Variants in NFIB observed in about 807,000 individuals in gnomAD.
NFIB encodes nuclear factor I B, also known as nuclear factor 1 B-type.
A neutral mutation model predicts 61.5 loss-of-function variants in NFIB; 11 were observed. The observed-to-expected ratio is 0.18, with a 90% CI of 0.11 to 0.30. NFIB has a LOEUF of 0.30. Among genes scored for constraint, NFIB ranks in the 10% least tolerant of loss-of-function variants. NFIB has a pLI of 1.00. For missense variants in NFIB, 471 were observed against 608.9 expected (o/e 0.77, Z 2.38); for synonymous variants, 260 against 216.5 (o/e 1.20, Z -1.76).
the NFIB span, among the ~76,000 whole-genome samples, chr9:14,481,838 C>T: frequency 3.3e-5 from 5 of 152,040 alleles, no homozygotes; most frequent in South Asian, 2.1e-4. Context: ...GCTTTTTGGT[C>T]CCCAACACCA....
chr9:14,218,795 T>G (rs935110992), intron 2 of NFIB, among the ~76,000 whole-genome samples: 4 of 152,226 alleles, frequency 2.6e-5, no homozygotes, highest in African/African-American at 9.6e-5. Flanking sequence ...AGATTTCTAT[T>G]AACTTTTAGC....
At chr9:14,211,706 G>A (rs540105268) in intron 2 of NFIB, among the ~76,000 whole-genome samples, 32 of 152,344 alleles carry the variant, frequency 2.1e-4, no homozygotes, top group Admixed American at 7.2e-4. Context: ...CTGCGGGGCC[G>A]TCTGAGCTGT....
the NFIB span, among the ~76,000 whole-genome samples, chr9:14,487,721 A>G: frequency 6.6e-6 from 1 of 152,240 alleles, no homozygotes. Context: ...TCCCACAGCT[A>G]ACGCAGCAGC....
At chr9:14,108,531 C>G (rs1436143357) in intron 10 of NFIB, among the ~76,000 whole-genome samples, 1 of 151,968 alleles carries the variant, frequency 6.6e-6, no homozygotes, top group Non-Finnish European at 1.5e-5. Flanking sequence ...AGTGTTGAAA[C>G]AATTTAAATA....
At chr9:14,311,761 T>C (rs1003933717) in intron 1 of NFIB, among the ~76,000 whole-genome samples, 2 of 152,326 alleles carry the variant, frequency 1.3e-5, no homozygotes, top group Middle Eastern at 3.4e-3. Flanking sequence ...GTTAGAAATA[T>C]AGAGAAATGC....
the NFIB span, among the ~76,000 whole-genome samples, chr9:14,407,949 A>G: frequency 6.6e-6 from 1 of 152,280 alleles, no homozygotes; most frequent in East Asian, 1.9e-4. Flanking sequence ...TGCCTCTCAA[A>G]GCCCGGGGGT....
intron 2 of NFIB, among the ~76,000 whole-genome samples, chr9:14,244,406 T>C (rs1319248798): frequency 2.6e-5 from 4 of 152,196 alleles, no homozygotes; most frequent in Non-Finnish European, 5.9e-5. Context: ...CTGAATCTGC[T>C]GATTAAATGA....
chr9:14,405,223 G>T, the NFIB span, among the ~76,000 whole-genome samples: 1 of 152,172 alleles, frequency 6.6e-6, no homozygotes, highest in Admixed American at 6.5e-5. Context: ...GCCTTCATCA[G>T]CCTGAGTCCC....
intron 1 of NFIB, among the ~76,000 whole-genome samples, chr9:14,373,354 G>T (rs17759357): frequency 0.03 from 4,513 of 152,312 alleles, 94 homozygotes; most frequent in Non-Finnish European, 0.043. Context: ...AGAGCCCATT[G>T]CCAGCAGTGT....
chr9:14,467,037 G>A, the NFIB span, among the ~76,000 whole-genome samples: 1 of 152,150 alleles, frequency 6.6e-6, no homozygotes, highest in Non-Finnish European at 1.5e-5. Context: ...GCATGCCAGG[G>A]CAAGAGGGCA....
chr9:14,132,508 T>C (rs973149143), intron 6 of NFIB, among the ~76,000 whole-genome samples: 1 of 152,136 alleles, frequency 6.6e-6, no homozygotes, highest in Non-Finnish European at 1.5e-5. Context: ...TGCTAAACAA[T>C]TTACAGGATT....
rs115489386 is a variant in NFIB, at chr9:14,385,513, T to C, written c.108+13011A>G. 8.4e-3 allele frequency among the ~76,000 whole-genome samples: 1,279 copies of C among 152,262 alleles called. 17 individuals are homozygous for C. Among genetic ancestry groups the C allele is most frequent in the African/African-American group, 0.029 (1,197 of 41,542 alleles). ...TTTTCTTATACATCTAAACATAAAA[T>C]TAACTTTTAAAAAGCATTTGAAATG... is the stretch of plus-strand genomic sequence containing the variant. On this transcript the variant is annotated intron_variant, in intron 1 of 8. Transcript: ENST00000380934.
intron 1 of NFIB, among the ~76,000 whole-genome samples, chr9:14,396,027 A>G (rs964016245): frequency 1.3e-5 from 2 of 152,084 alleles, no homozygotes; most frequent in African/African-American, 4.8e-5. Flanking sequence ...GCTTGCGGAT[A>G]TTAATTGGGC....
chr9:14,208,144 T>TA (rs2049937012), intron 2 of NFIB, among the ~76,000 whole-genome samples: 1 of 152,248 alleles, frequency 6.6e-6, no homozygotes, highest in African/African-American at 2.4e-5. Context: ...TTATTCCATA[T>TA]TTGTAATCTG....
intron 2 of NFIB, among the ~76,000 whole-genome samples, chr9:14,260,342 C>T (rs920492709): frequency 5.9e-5 from 9 of 152,184 alleles, no homozygotes; most frequent in African/African-American, 2.2e-4. Flanking sequence ...CACTATGACT[C>T]ACCAAGGACA....
the NFIB span, among the ~76,000 whole-genome samples, chr9:14,463,998 C>T: frequency 1.3e-5 from 2 of 152,184 alleles, no homozygotes; most frequent in African/African-American, 4.8e-5. Context: ...ACGATGGGGT[C>T]TGAGGCTGCT....
chr9:14,228,232 T>C (rs564428242), intron 2 of NFIB, among the ~76,000 whole-genome samples: 2 of 150,308 alleles, frequency 1.3e-5, no homozygotes, highest in Non-Finnish European at 3.0e-5. Flanking sequence ...GGTCTCACTG[T>C]CATCCAGGCA....
intron 2 of NFIB, among the ~76,000 whole-genome samples, chr9:14,198,271 C>G (rs1006616829): frequency 6.6e-6 from 1 of 152,082 alleles, no homozygotes; most frequent in African/African-American, 2.4e-5. Context: ...GGGGAGGGAG[C>G]CTTCTAAAGT....
chr9:14,364,937 C>G (rs1414820041), intron 1 of NFIB, among the ~76,000 whole-genome samples: 3 of 152,196 alleles, frequency 2.0e-5, no homozygotes, highest in Non-Finnish European at 2.9e-5. Flanking sequence ...AATCTAACAG[C>G]AATTCCACCA....
Sources: gnomAD v4.1 joint callset for allele counts (sites outside exome capture counted in the v4.1 genomes callset) on GRCh38, gnomAD v4.1.1 for gene constraint, MANE v1.5 for transcripts, NCBI Gene and HGNC (gene_info 2026-07-23, HGNC 2026-07-21) for gene names.